Variants in PRIM2 observed in about 807,000 individuals in gnomAD.
The protein encoded by PRIM2 is DNA primase large subunit.
Under a neutral mutation model 67.3 loss-of-function variants are expected in PRIM2, and 39 were observed. The ratio of observed to expected loss-of-function variants is 0.58; its 90% CI spans 0.45 to 0.76. PRIM2 has a LOEUF of 0.76. Among genes scored for constraint, PRIM2 ranks in the 30% least tolerant of loss-of-function variants. The probability of loss-of-function intolerance (pLI) is 0.00; values close to 1 mark genes in which losing one functional copy is unlikely to be tolerated. For missense variants in PRIM2, 398 were observed against 598.7 expected (o/e 0.66, Z 3.50); for synonymous variants, 143 against 198.7 (o/e 0.72, Z 2.36).
chr6:57,327,984 A>G (rs1376404977), intron 5 of PRIM2, among the ~76,000 whole-genome samples: 1 of 152,156 alleles, frequency 6.6e-6, no homozygotes, highest in Non-Finnish European at 1.5e-5. Flanking sequence ...TGTGCAGTTC[A>G]TAATAGGGTT....
At chr6:57,584,257 C>T (rs1776151927) in intron 10 of PRIM2, among the ~76,000 whole-genome samples, 1 of 152,172 alleles carries the variant, frequency 6.6e-6, no homozygotes, top group Non-Finnish European at 1.5e-5. Context: ...AAAGATGAAA[C>T]AAACCCACTA....
chr6:57,489,897 T>C (rs1239925141), intron 7 of PRIM2, among the ~76,000 whole-genome samples: 3 of 151,590 alleles, frequency 2.0e-5, no homozygotes, highest in African/African-American at 7.3e-5. Flanking sequence ...TCCTGAGGCA[T>C]CAATCAGGAG....
intron 12 of PRIM2, among the ~76,000 whole-genome samples, chr6:57,628,900 G>A (rs1776999937): frequency 6.6e-6 from 1 of 152,150 alleles, no homozygotes; most frequent in African/African-American, 2.4e-5. Context: ...GTTTCACGCA[G>A]TGTACCTTAG....
At chr6:57,231,425 A>G in the PRIM2 span, among the ~76,000 whole-genome samples, 4 of 152,210 alleles carry the variant, frequency 2.6e-5, no homozygotes, top group Admixed American at 6.5e-5. Context: ...TTACAAACTG[A>G]GAAAAAAATA....
rs1442725321 is a variant in PRIM2 at position 57,582,410 on chromosome 6, T to C, written c.1021-18683T>C. On this transcript the variant is annotated intron_variant, in intron 10 of 13. Coordinates refer to ENST00000615550, the MANE Select transcript of PRIM2 (RefSeq NM_000947.5). ...TGTCGTGTCCTCAACTTGATAATTA[T>C]AGGAAGTTGGAATGTGAAGAAAACT... Among the ~76,000 whole-genome samples, 43 of 152,290 alleles carry C rather than the reference T, an allele frequency of 2.8e-4. No individual in the cohort carries two copies. The South Asian group carries it at 8.9e-3, about 32-fold the overall frequency.
chr6:57,524,798 C>G (rs1405265527), intron 8 of PRIM2, among the ~76,000 whole-genome samples: 1 of 151,838 alleles, frequency 6.6e-6, no homozygotes, highest in African/African-American at 2.4e-5. Context: ...CAAAATAAAA[C>G]AAAAACACCA....
chr6:57,421,197 A>G (rs1771449798), intron 7 of PRIM2, among the ~76,000 whole-genome samples: 1 of 152,244 alleles, frequency 6.6e-6, no homozygotes, highest in Non-Finnish European at 1.5e-5. Context: ...AGAAAATAGA[A>G]CAAAACCTTA....
chr6:57,229,714 A>G, the PRIM2 span, among the ~76,000 whole-genome samples: 101 of 152,218 alleles, frequency 6.6e-4, no homozygotes, highest in Admixed American at 1.2e-3. Flanking sequence ...CTGATCTCGA[A>G]TACCTGACCT....
At chr6:57,491,459 A>G (rs1173398412) in intron 7 of PRIM2, among the ~76,000 whole-genome samples, 1 of 152,228 alleles carries the variant, frequency 6.6e-6, no homozygotes, top group Non-Finnish European at 1.5e-5. Context: ...GTAATTTTTT[A>G]TAACTATTTG....
At chr6:57,531,271 G>A (rs1294034085) in intron 8 of PRIM2, among the ~76,000 whole-genome samples, 30 of 152,146 alleles carry the variant, frequency 2.0e-4, no homozygotes, top group African/African-American at 7.0e-4. Context: ...TCTTACCTCA[G>A]CCTCCAGAGT....
intron 7 of PRIM2, among the ~76,000 whole-genome samples, chr6:57,479,799 T>C (rs1773571033): frequency 6.6e-6 from 1 of 152,236 alleles, no homozygotes; most frequent in African/African-American, 2.4e-5. Flanking sequence ...TGTAAACTAC[T>C]TTGCCTTTTG....
the PRIM2 span, among the ~76,000 whole-genome samples, chr6:57,283,173 C>T: frequency 6.6e-6 from 1 of 152,188 alleles, no homozygotes; most frequent in Non-Finnish European, 1.5e-5. Context: ...TATACTCCCA[C>T]ATGCTTTCTG....
At chr6:57,469,221 CTCTT>C in intron 7 of PRIM2, among the ~76,000 whole-genome samples, 1 of 152,366 alleles carries the variant, frequency 6.6e-6, no homozygotes, top group African/African-American at 2.4e-5. Context: ...CTCTGGAACT[CTCTT>C]TATGTTGCTG....
At chr6:57,419,978 T>G (rs1165117974) in intron 7 of PRIM2, among the ~76,000 whole-genome samples, 2 of 152,166 alleles carry the variant, frequency 1.3e-5, no homozygotes, top group Non-Finnish European at 2.9e-5. Context: ...AAACAGAATC[T>G]TCATCGAGCT....
At chr6:57,318,811 T>C (rs774645668) in intron 2 of PRIM2, among the ~76,000 whole-genome samples, 1 of 152,188 alleles carries the variant, frequency 6.6e-6, no homozygotes, top group Non-Finnish European at 1.5e-5. Context: ...ATGCATATTA[T>C]TGAGTGCCAT....
intron 7 of PRIM2, among the ~76,000 whole-genome samples, chr6:57,411,116 G>T (rs1283591077): frequency 6.6e-6 from 1 of 151,840 alleles, no homozygotes; most frequent in Non-Finnish European, 1.5e-5. Context: ...TTAAAAGTGT[G>T]TGGCACCTAT....
the PRIM2 span, among the ~76,000 whole-genome samples, chr6:57,224,323 A>C: frequency 2.0e-5 from 3 of 152,204 alleles, no homozygotes; most frequent in Non-Finnish European, 4.4e-5. Context: ...GCTTGAAGAC[A>C]TTATGCCTAG....
intron 10 of PRIM2, among the ~76,000 whole-genome samples, chr6:57,549,852 G>A (rs1775364635): frequency 1.3e-5 from 2 of 152,142 alleles, no homozygotes; most frequent in Non-Finnish European, 2.9e-5. Flanking sequence ...TTGGGAGGCC[G>A]AGGCGGGCAG....
chr6:57,393,168 A>T (rs1300408328), intron 7 of PRIM2, among the ~76,000 whole-genome samples: 1 of 149,048 alleles, frequency 6.7e-6, no homozygotes, highest in African/African-American at 2.6e-5. Context: ...TCTGGTAGAT[A>T]CCCAGTAGTG....
Sources: gnomAD v4.1 joint callset for allele counts (sites outside exome capture counted in the v4.1 genomes callset) on GRCh38, gnomAD v4.1.1 for gene constraint, MANE v1.5 for transcripts, NCBI Gene and HGNC (gene_info 2026-07-23, HGNC 2026-07-21) for gene names.